DCBLD1: variants seen among roughly 807,000 people sequenced by gnomAD.
DCBLD1 encodes discoidin, CUB and LCCL domain containing 1, also known as discoidin, CUB and LCCL domain-containing protein 1.
DCBLD1 carries 57 observed loss-of-function variants against 71.5 expected under a neutral mutation model. The observed-to-expected ratio is 0.80, with a 90% confidence interval of 0.64 to 0.99. The LOEUF (loss-of-function observed/expected upper bound fraction) is 0.99, where lower values mean the gene tolerates loss of function less well. DCBLD1 is among the 50% of genes least tolerant of loss of function. The pLI is 0.00. For synonymous variants in DCBLD1, 380 were observed against 363.8 expected (o/e 1.04, Z -0.51); for missense variants, 891 against 923.5 (o/e 0.96, Z 0.46).
rs1257735533 is a variant in DCBLD1 at position 117,547,911 on chromosome 6, CCAG to C, written c.1625_1627del (p.Gln542del). On this transcript the variant is annotated inframe_deletion, in exon 15 of 15. Transcript: ENST00000338728. ...CCATCTGTCTTGTGGTTTCAGATTA[CCAG>C]CAGCCCCTCATGATTGGCACCGGGA... The C allele has an allele frequency of 6.4e-7, 1 of 1,550,534 alleles. No homozygotes were observed. The highest frequency in any genetic ancestry group is 8.7e-7 in the Non-Finnish European group (1 of 1,146,946).
chr6:117,491,832 C>T (rs1337823290), intron 1 of DCBLD1, among the ~76,000 whole-genome samples: 3 of 152,156 alleles, frequency 2.0e-5, no homozygotes, highest in Non-Finnish European at 4.4e-5. Context: ...AAAGTGTACT[C>T]ACCGCTTCAG....
chr6:117,504,924 A>C (rs963925057), intron 2 of DCBLD1, among the ~76,000 whole-genome samples: 1 of 152,172 alleles, frequency 6.6e-6, no homozygotes, highest in African/African-American at 2.4e-5. Context: ...TAATTTCTCA[A>C]ACACACACAG....
At chr6:117,544,731 TTTATTG>T (rs2114566009) in intron 13 of DCBLD1, among the ~76,000 whole-genome samples, 154 bp downstream of exon 13, 1 of 152,052 alleles carries the variant, frequency 6.6e-6, no homozygotes, top group South Asian at 2.1e-4. Context: ...AAGGAAGAAA[TTTATTG>T]TGTTCTGTCT....
intron 14 of DCBLD1, 141 bp downstream of exon 14, chr6:117,545,738 G>C (rs1198914971): frequency 7.9e-7 from 1 of 1,259,376 alleles, no homozygotes; most frequent in Non-Finnish European, 1.1e-6. Context: ...TCTGCATTCT[G>C]CACAGAATTA....
chr6:117,530,298 C>A (rs150595630), intron 5 of DCBLD1, among the ~76,000 whole-genome samples: 1 of 152,096 alleles, frequency 6.6e-6, no homozygotes, highest in East Asian at 1.9e-4. Flanking sequence ...TTTCCACAGA[C>A]GGGGTGGGGG....
At chr6:117,563,617 G>T (rs755687006) in intron 14 of DCBLD1, among the ~76,000 whole-genome samples, 5 of 152,076 alleles carry the variant, frequency 3.3e-5, no homozygotes, top group Non-Finnish European at 5.9e-5. Context: ...AGCTATTTGG[G>T]AGACTGAGGA....
At chr6:117,484,928 C>G (rs1057278249) in intron 1 of DCBLD1, 1 of 152,112 alleles carries the variant, frequency 6.6e-6, no homozygotes, top group African/African-American at 2.4e-5. Flanking sequence ...AAAAAAGTGT[C>G]CACCCCTCCC....
At chr6:117,550,067 T>C (rs1255704077), downstream of DCBLD1, among the ~76,000 whole-genome samples, 5 of 152,372 alleles carry the variant, frequency 3.3e-5, no homozygotes, top group Non-Finnish European at 7.3e-5. Flanking sequence ...AAGTGTTGTC[T>C]ATAGTAGGTC....
chr6:117,540,053 A>T (rs1779038574), intron 9 of DCBLD1: 1 of 152,500 alleles, frequency 6.6e-6, no homozygotes, highest in African/African-American at 2.4e-5. Context: ...CCTGGGCGAC[A>T]AGAGCGAGAT....
downstream of DCBLD1, among the ~76,000 whole-genome samples, chr6:117,550,581 A>G (rs1779411958): frequency 6.6e-6 from 1 of 152,194 alleles, no homozygotes. Flanking sequence ...GGGTTTTATT[A>G]TTGTTATTTA....
chr6:117,559,013 T>C (rs568097955), intron 14 of DCBLD1, among the ~76,000 whole-genome samples: 1 of 152,292 alleles, frequency 6.6e-6, no homozygotes, highest in East Asian at 1.9e-4. Flanking sequence ...TGTTAACTCT[T>C]TTCTGCACAC....
chr6:117,511,305 CA>C (rs1778013087), intron 2 of DCBLD1, among the ~76,000 whole-genome samples: 1 of 152,108 alleles, frequency 6.6e-6, no homozygotes, highest in Admixed American at 6.5e-5. Flanking sequence ...GTTGAAAGTT[CA>C]AAAAATGTTT....
At chr6:117,537,482 T>C (rs575295189) in intron 7 of DCBLD1, among the ~76,000 whole-genome samples, 131 of 148,482 alleles carry the variant, frequency 8.8e-4, no homozygotes, top group East Asian at 1.6e-3. Flanking sequence ...TGCAGTGAGC[T>C]GAGATTGCGC....
chr6:117,518,708 C>A (rs1778288663), intron 2 of DCBLD1, among the ~76,000 whole-genome samples: 1 of 152,090 alleles, frequency 6.6e-6, no homozygotes, highest in Non-Finnish European at 1.5e-5. Context: ...TTTTAAAAAA[C>A]CATCAGATCT....
chr6:117,540,616 A>G, intron 9 of DCBLD1, 52 bp from the exon 10 acceptor site: 1 of 1,604,536 alleles, frequency 6.2e-7, no homozygotes, highest in Non-Finnish European at 8.5e-7. Context: ...GATGATAAAC[A>G]CCTAAAAACT....
chr6:117,563,203 C>G (rs1779621206), intron 14 of DCBLD1: 13 of 1,561,180 alleles, frequency 8.3e-6, no homozygotes, highest in Non-Finnish European at 1.1e-5. Context: ...TCCCCAGTGC[C>G]CCAAATTCAG....
chr6:117,561,295 G>A (rs1779579650), intron 14 of DCBLD1: 7 of 223,170 alleles, frequency 3.1e-5, no homozygotes, highest in African/African-American at 6.7e-5. Flanking sequence ...ACACTTATTC[G>A]GTAGTTCTTG....
intron 2 of DCBLD1, among the ~76,000 whole-genome samples, chr6:117,504,849 T>G (rs1777786660): frequency 6.6e-6 from 1 of 152,234 alleles, no homozygotes; most frequent in South Asian, 2.1e-4. Flanking sequence ...AAATTCTCTG[T>G]GCACACAACT....
rs771709909 is a variant in DCBLD1 at position 117,548,392 on chromosome 6, G to A, written c.2101G>A (p.Asp701Asn). The A allele has an allele frequency of 2.6e-6, 4 of 1,550,574 alleles. No individual in the cohort carries two copies. In the South Asian group the frequency reaches 3.6e-5, roughly 14 times the overall value. ...GTSDSYSAPRDCLTPLNQTAM... is the reference protein window; with the variant it reads ...GTSDSYSAPRNCLTPLNQTAM... ...GAGTGACAGCTATTCTGCCCCCAGA[G>A]ACTGCCTCACACCCCTCAACCAGAC... The change falls in exon 15 of 15, where the codon GAC (aspartate) becomes AAC (asparagine). Residue 701 changes from aspartate to asparagine, a missense_variant. By Grantham distance (23) the Asp-to-Asn change is conservative. Transcript: ENST00000338728.
Sources: gnomAD v4.1 joint callset for allele counts (sites outside exome capture counted in the v4.1 genomes callset) on GRCh38, gnomAD v4.1.1 for gene constraint, MANE v1.5 for transcripts, NCBI Gene and HGNC (gene_info 2026-07-23, HGNC 2026-07-21) for gene names.